Variants in DEFB129 observed in about 807,000 individuals in gnomAD.
DEFB129 encodes beta-defensin 129.
A neutral mutation model predicts 2.5 loss-of-function variants in DEFB129; 2 were observed. The observed-to-expected ratio is 0.80, with a 90% CI of 0.33 to 2.53. DEFB129 has a LOEUF of 2.53. Among genes scored for constraint, DEFB129 ranks in the 30% most tolerant of loss-of-function variants. DEFB129 has a pLI of 0.11. For missense variants in DEFB129, 177 were observed against 216.9 expected, an observed-to-expected ratio of 0.82 and a Z score of 1.16; for synonymous variants, 76 against 74.4, an observed-to-expected ratio of 1.02 and a Z score of -0.11.
chr20:229,185 ACT>A, intron 1 of DEFB129, 91 bp from the exon 2 acceptor site: 1 of 1,466,070 alleles, frequency 6.8e-7, no homozygotes, highest in Non-Finnish European at 9.1e-7. Context: ...GTATGAGTAA[ACT>A]CTCTCTTAGT....
Position 229,673 on chromosome 20 carries a change from A to C in DEFB129, c.454A>C (p.Ser152Arg). ...TTCTACCAAGAGTAACACCAAAGAA[A>C]GCAGAGATTCTGCCACTGCCTCGCC... Reference protein sequence around the residue: ...ATSTKSNTKESRDSATASPPP... With the variant: ...ATSTKSNTKERRDSATASPPP... The change falls in exon 2 of 2, where the codon AGC becomes CGC. Residue 152 changes from serine to arginine, a missense_variant. Physicochemically the swap from Ser to Arg is moderately radical, Grantham distance 110. Coordinates refer to ENST00000246105, the MANE Select transcript of DEFB129 (RefSeq NM_080831.4). 6.2e-7 allele frequency: 1 copy of C among 1,614,154 alleles called. No homozygotes were observed. Among genetic ancestry groups the C allele is most frequent in the Non-Finnish European group, 8.5e-7 (1 of 1,180,032 alleles).
chr20:227,298 C>G lies in DEFB129; in HGVS notation c.10C>G (p.Leu4Val). Reference protein sequence around the residue: MKLLFPIFASLMLQ... With the variant: MKLVFPIFASLMLQ... ...TCTCTGGCACCCAACCATGAAGCTCCTTTTTCCTATCTTTGCCAGCCTCAT... is the reference window on the plus strand; with the variant it reads ...TCTCTGGCACCCAACCATGAAGCTCGTTTTTCCTATCTTTGCCAGCCTCAT... The change falls in exon 1 of 2, where the codon CTT becomes GTT. Residue 4 changes from leucine (L) to valine (V), a missense_variant. By Grantham distance (32) the Leu-to-Val change is conservative (BLOSUM62 1). Transcript: ENST00000246105. The G allele has an allele frequency of 6.2e-7, 1 of 1,614,124 alleles. No individual in the cohort carries two copies. Among genetic ancestry groups the G allele is most frequent in the Non-Finnish European group, 8.5e-7 (1 of 1,179,984 alleles).
chr20:229,001 C>T (rs1335722418), intron 1 of DEFB129, among the ~76,000 whole-genome samples: 1 of 152,146 alleles, frequency 6.6e-6, no homozygotes, highest in Non-Finnish European at 1.5e-5. Context: ...GTCTAAAATT[C>T]CATCCTAAAA....
At position 229,312 on chromosome 20, in the gene DEFB129, G is replaced by T. The variant is rs77628883; in HGVS notation, c.93G>T (p.Leu31Phe). ...GCTTGAGACGCTGTTTAATGGGTTT[G>T]GGGAGATGCAGGGATCACTGCAATG... ...FIGLRRCLMG[L>F]GRCRDHCNVD... is the part of the protein sequence containing the mutation. Residue 31 changes from leucine (L) to phenylalanine (F), a missense_variant, in exon 2 of 2, where the codon TTG becomes TTT. Physicochemically the swap from Leu to Phe is conservative, Grantham distance 22 (BLOSUM62 0). Transcript: ENST00000246105. 1 of 1,610,662 alleles carries T rather than the reference G, an allele frequency of 6.2e-7. No homozygotes were observed. Among genetic ancestry groups the T allele is most frequent in the Non-Finnish European group, 8.5e-7 (1 of 1,178,686 alleles).
chr20:229,872 G>A lies in DEFB129; in HGVS notation c.*101G>A. 1.4e-6 allele frequency: 2 copies of A among 1,437,624 alleles called. No homozygotes were observed. The highest frequency in any genetic ancestry group is 1.8e-6 in the Non-Finnish European group (2 of 1,086,258). The allele number at this position is 1,437,624 out of a possible 1,614,324, so 89.1% of individuals were successfully genotyped here. A position where few individuals can be genotyped will look rare whatever the true frequency, so the allele number is the denominator to read the frequency against. ...TGTCATCAGTCATTCAATAAACACT[G>A]TTTGAGCACCTACAGTTTATGTAAT... On this transcript the variant is annotated 3_prime_UTR_variant, in exon 2 of 2. Coordinates refer to ENST00000246105, the MANE Select transcript of DEFB129 (RefSeq NM_080831.4).
Position 229,366 on chromosome 20 carries a change from GA to G in DEFB129, c.148del (p.Met50Ter). ...VDEKEIQKCK[M>X]KKCCVGPKVV... ...ATGAAAAAGAGATACAGAAATGCAA[GA>G]TGAAAAAATGTTGTGTTGGACCAAA... On this transcript the variant is annotated frameshift_variant, in exon 2 of 2. Transcript: ENST00000246105. LOFTEE classifies it low-confidence loss of function (END_TRUNC). 1 of 1,614,094 alleles carries G rather than the reference GA, an allele frequency of 6.2e-7. No individual in the cohort carries two copies. The highest frequency in any genetic ancestry group is 8.5e-7 in the Non-Finnish European group (1 of 1,180,016).
chr20:229,679 G>C lies in DEFB129; in HGVS notation c.460G>C (p.Asp154His), dbSNP rs956909929. ...CAAGAGTAACACCAAAGAAAGCAGA[G>C]ATTCTGCCACTGCCTCGCCACCACC... ...STKSNTKESR[D>H]SATASPPPAP... The change falls in exon 2 of 2, where the codon GAT becomes CAT. Residue 154 changes from aspartate (D) to histidine (H), a missense_variant. By Grantham distance (81) the Asp-to-His change is moderately conservative. Transcript: ENST00000246105. 3.1e-6 allele frequency: 5 copies of C among 1,613,894 alleles called. No homozygotes were observed. In the Admixed American group the frequency reaches 5.0e-5, roughly 16 times the overall value.
chr20:229,229 A>G (rs747194406), intron 1 of DEFB129, 49 bp from the exon 2 acceptor site: 8 of 1,531,270 alleles, frequency 5.2e-6, no homozygotes, highest in Non-Finnish European at 7.0e-6. Flanking sequence ...TTTTAACATC[A>G]TCTCTAGTTA....
chr20:228,690 G>A (rs1306500235), intron 1 of DEFB129, among the ~76,000 whole-genome samples: 3 of 152,176 alleles, frequency 2.0e-5, no homozygotes, highest in South Asian at 2.1e-4. Flanking sequence ...AGTTACCTTG[G>A]TGGATATGAG....
In DEFB129 at chr20:229,675, C is replaced by A. The variant is rs2122160855; in HGVS notation, c.456C>A (p.Ser152Arg). 1.9e-6 allele frequency: 3 copies of A among 1,614,086 alleles called. No individual in the cohort carries two copies. The East Asian group carries it at 6.7e-5, about 36-fold the overall frequency. The change falls in exon 2 of 2, where the codon AGC (serine) becomes AGA (arginine). Residue 152 changes from serine to arginine, a missense_variant. Transcript: ENST00000246105. ...ATSTKSNTKE[S>R]RDSATASPPP... The stretch of plus-strand genomic sequence containing the variant: ...CTACCAAGAGTAACACCAAAGAAAG[C>A]AGAGATTCTGCCACTGCCTCGCCAC...
chr20:229,201 T>A, intron 1 of DEFB129, 77 bp from the exon 2 acceptor site: 5 of 1,504,336 alleles, frequency 3.3e-6, no homozygotes, highest in Non-Finnish European at 4.4e-6. Flanking sequence ...TCTTAGTCTA[T>A]CCATCTCCCA....
At chr20:228,954 G>T (rs1471599017) in intron 1 of DEFB129, among the ~76,000 whole-genome samples, 1 of 152,222 alleles carries the variant, frequency 6.6e-6, no homozygotes, top group Non-Finnish European at 1.5e-5. Flanking sequence ...AGATGGGATA[G>T]TGATGTCTGA....
In DEFB129 at chr20:229,409, A is replaced by T. The variant is rs1366587230; in HGVS notation, c.190A>T (p.Lys64Ter). Residue 64 changes from lysine (K) to a stop codon, truncating the protein, a stop_gained, in exon 2 of 2, where the codon AAA becomes TAA. Coordinates refer to ENST00000246105, the MANE Select transcript of DEFB129 (RefSeq NM_080831.4). LOFTEE classifies it low-confidence loss of function (END_TRUNC). ...CVGPKVVKLI[K>*]NYLQYGTPNV... ...TGGACCAAAAGTGGTTAAATTGATT[A>T]AAAACTACCTGCAATATGGAACACC... 2 of 1,614,220 alleles carry T rather than the reference A, an allele frequency of 1.2e-6. No individual in the cohort carries two copies. The highest frequency in any genetic ancestry group is 4.5e-5 in the East Asian group (2 of 44,890).
At chr20:229,192 C>T (rs939191392) in intron 1 of DEFB129, 86 bp from the exon 2 acceptor site, 3 of 1,487,920 alleles carry the variant, frequency 2.0e-6, no homozygotes, top group African/African-American at 1.4e-5. Flanking sequence ...TAAACTCTCT[C>T]TTAGTCTATC....
chr20:229,171 TGTA>T, intron 1 of DEFB129, 104 bp from the exon 2 acceptor site: 1 of 1,408,810 alleles, frequency 7.1e-7, no homozygotes, highest in Admixed American at 2.4e-5. Context: ...GGGCTTAAAA[TGTA>T]GTATGAGTAA....
At position 229,528 on chromosome 20, in the gene DEFB129, C is replaced by G. The variant is rs1459171631; in HGVS notation, c.309C>G (p.Pro103=). The G allele has an allele frequency of 6.2e-7, 1 of 1,614,118 alleles. No individual in the cohort carries two copies. The highest frequency in any genetic ancestry group is 1.7e-5 in the Admixed American group (1 of 60,028). ...GAAAACATATTTTATCTGTTCTCCC[C>G]CAAATCAAAAGCACTAGCTTTTTTG... ...IQRKHILSVL[P]QIKSTSFFAN... The change falls in exon 2 of 2, where the codon CCC becomes CCG. Residue 103 remains proline (P), a synonymous_variant. Coordinates refer to ENST00000246105, the MANE Select transcript of DEFB129 (RefSeq NM_080831.4).
At chr20:228,780 A>C (rs906868944) in intron 1 of DEFB129, among the ~76,000 whole-genome samples, 20 of 152,348 alleles carry the variant, frequency 1.3e-4, no homozygotes, top group African/African-American at 4.3e-4. Flanking sequence ...ACCATGCTTC[A>C]GGAATCACAG....
At chr20:227,689 A>G (rs1340601039) in intron 1 of DEFB129, among the ~76,000 whole-genome samples, 1 of 149,986 alleles carries the variant, frequency 6.7e-6, no homozygotes, top group African/African-American at 2.5e-5. Context: ...TCTATCTTAA[A>G]AGCCCTTTTT....
intron 1 of DEFB129, among the ~76,000 whole-genome samples, chr20:227,663 T>A (rs186073471): frequency 6.3e-4 from 96 of 152,130 alleles, no homozygotes; most frequent in Admixed American, 2.7e-3. Flanking sequence ...CAGGTCTACC[T>A]CCTTTTAGCT....
Sources: allele counts gnomAD v4.1 joint callset (sites outside exome capture counted in the v4.1 genomes callset), GRCh38; gene constraint gnomAD v4.1.1; transcripts MANE v1.5; gene names NCBI Gene and HGNC (gene_info 2026-07-23, HGNC 2026-07-21).